The following ACOXL variants were observed in gnomAD, a reference collection of about 807,000 sequenced individuals.
ACOXL encodes the protein acyl-CoA oxidase like.
A neutral mutation model predicts 71.9 loss-of-function variants in ACOXL; 70 were observed. The ratio of observed to expected loss-of-function variants is 0.97; its 90% CI spans 0.80 to 1.19. The LOEUF (loss-of-function observed/expected upper bound fraction) is 1.19. Among genes scored for constraint, ACOXL ranks in the 50% most tolerant of loss-of-function variants. ACOXL has a pLI of 0.00. For missense variants in ACOXL, 703 were observed against 736.3 expected (o/e 0.95, Z 0.52); for synonymous variants, 253 against 281.6 (o/e 0.90, Z 1.02).
intron 2 of ACOXL, among the ~76,000 whole-genome samples, chr2:110,783,956 A>G (rs1383582744): frequency 6.6e-6 from 1 of 152,228 alleles, no homozygotes; most frequent in African/African-American, 2.4e-5. Flanking sequence ...GTGTGTTCGT[A>G]TAGCCTTGGG....
intron 12 of ACOXL, among the ~76,000 whole-genome samples, chr2:110,947,160 C>T (rs989944461): frequency 3.3e-5 from 5 of 152,194 alleles, no homozygotes; most frequent in African/African-American, 9.7e-5. Context: ...AGTCATGTGA[C>T]GCAGGCCTGG....
chr2:111,047,644 C>T (rs936243367), intron 15 of ACOXL, among the ~76,000 whole-genome samples: 2 of 152,320 alleles, frequency 1.3e-5, no homozygotes, highest in South Asian at 2.1e-4. Context: ...CAAAAGCATT[C>T]GTGTAAACTT....
intron 17 of ACOXL, among the ~76,000 whole-genome samples, chr2:111,105,275 C>T (rs1428834734): frequency 6.6e-6 from 1 of 152,036 alleles, no homozygotes; most frequent in East Asian, 1.9e-4. Context: ...TTGATTCCAC[C>T]TCTTTATTAT....
At chr2:110,807,538 TC>T (rs1686817012) in intron 9 of ACOXL, among the ~76,000 whole-genome samples, 11 of 152,156 alleles carry the variant, frequency 7.2e-5, no homozygotes, top group Admixed American at 7.2e-4. Flanking sequence ...TCCTTTGAAT[TC>T]CCAGGTGTCT....
chr2:110,923,488 G>GT (rs1275326471), intron 11 of ACOXL, among the ~76,000 whole-genome samples: 1 of 152,156 alleles, frequency 6.6e-6, no homozygotes, highest in Non-Finnish European at 1.5e-5. Flanking sequence ...CAAGTGCAAG[G>GT]AGAGTATACA....
intron 10 of ACOXL, among the ~76,000 whole-genome samples, chr2:110,845,928 A>T (rs576581188): frequency 1.3e-5 from 2 of 152,252 alleles, no homozygotes; most frequent in African/African-American, 4.8e-5. Flanking sequence ...CCTGCTTTCA[A>T]TTCTTTTGGG....
chr2:111,019,726 G>A (rs1319181914), intron 14 of ACOXL, among the ~76,000 whole-genome samples: 1 of 152,236 alleles, frequency 6.6e-6, no homozygotes, highest in Non-Finnish European at 1.5e-5. Context: ...GAGCTTGGAA[G>A]ACAGCGTGCG....
intron 12 of ACOXL, among the ~76,000 whole-genome samples, chr2:110,985,598 C>T (rs2062896589): frequency 1.3e-5 from 2 of 152,290 alleles, no homozygotes; most frequent in East Asian, 1.9e-4. Context: ...GGTCCAGTCA[C>T]ACCTGGGAGC....
In ACOXL at chr2:111,062,980, C is replaced by T. The variant is rs1170055492; in HGVS notation, c.1440+13692C>T. On this transcript the variant is annotated intron_variant, in intron 16 of 17. Transcript: ENST00000439055. Reference sequence around the variant, plus strand: ...AGATTATATTAGTATATACTCTGTGCACATCAAAATGGTAGTAAGATAATA... The same window carrying T: ...AGATTATATTAGTATATACTCTGTGTACATCAAAATGGTAGTAAGATAATA... 2.0e-5 allele frequency among the ~76,000 whole-genome samples: 3 copies of T among 152,102 alleles called. No homozygotes were observed. The East Asian group carries it at 5.8e-4, about 29-fold the overall frequency.
intron 10 of ACOXL, among the ~76,000 whole-genome samples, chr2:110,851,316 T>G (rs1377433685): frequency 1.3e-5 from 2 of 152,180 alleles, no homozygotes; most frequent in Non-Finnish European, 2.9e-5. Flanking sequence ...TCTGGATCAC[T>G]TTTTTGAGGT....
At chr2:110,744,429 C>G (rs1480810473) in intron 1 of ACOXL, among the ~76,000 whole-genome samples, 2 of 152,158 alleles carry the variant, frequency 1.3e-5, no homozygotes, top group Admixed American at 6.5e-5. Flanking sequence ...GTTATGTGTG[C>G]TAATGTAATA....
At chr2:111,036,705 G>A (rs1041348367) in intron 15 of ACOXL, 1 of 152,292 alleles carries the variant, frequency 6.6e-6, no homozygotes, top group African/African-American at 2.4e-5. Flanking sequence ...GGGACACTGG[G>A]TCTCTGATGC....
chr2:111,117,987 T>C lies in ACOXL; in HGVS notation c.*171T>C. 9.0e-6 allele frequency: 7 copies of C among 777,446 alleles called. No homozygotes were observed. In the South Asian group the frequency reaches 1.3e-4, roughly 14 times the overall value. The allele number at this position is 777,446 out of a possible 1,614,324, so 48.2% of individuals were successfully genotyped here. ...GAGGCTGGCGAGGTGCGCGGCTGGC[T>C]GCTAGGAAAGAGATCCAGACGGTCG... On this transcript the variant is annotated 3_prime_UTR_variant, in exon 18 of 18. Transcript: ENST00000439055.
At chr2:110,987,893 T>C (rs564339967) in intron 13 of ACOXL, among the ~76,000 whole-genome samples, 46 of 152,336 alleles carry the variant, frequency 3.0e-4, no homozygotes, top group African/African-American at 1.1e-3. Context: ...GATGCTGTTA[T>C]GAAAAACCCT....
At chr2:111,049,588 A>G (rs977432921) in intron 16 of ACOXL, among the ~76,000 whole-genome samples, 1 of 152,122 alleles carries the variant, frequency 6.6e-6, no homozygotes, top group African/African-American at 2.4e-5. Context: ...ATGCTTTTTT[A>G]GCAGATTTAT....
At chr2:111,075,867 C>T (rs551722939) in intron 16 of ACOXL, among the ~76,000 whole-genome samples, 1 of 152,152 alleles carries the variant, frequency 6.6e-6, no homozygotes, top group African/African-American at 2.4e-5. Flanking sequence ...TTTTAAGTGT[C>T]TAGAATTTGT....
intron 10 of ACOXL, among the ~76,000 whole-genome samples, chr2:110,907,707 A>G (rs1463407714): frequency 6.6e-6 from 1 of 152,190 alleles, no homozygotes; most frequent in Non-Finnish European, 1.5e-5. Context: ...TGTGCTTATC[A>G]TTTGTCCTCA....
At chr2:110,859,834 G>A (rs1034580299) in intron 10 of ACOXL, among the ~76,000 whole-genome samples, 5 of 152,138 alleles carry the variant, frequency 3.3e-5, no homozygotes, top group African/African-American at 1.2e-4. Flanking sequence ...TGGCCTGTGG[G>A]ATCAATGCTA....
intron 16 of ACOXL, among the ~76,000 whole-genome samples, chr2:111,062,239 T>C (rs2066853733): frequency 6.6e-6 from 1 of 152,020 alleles, no homozygotes; most frequent in South Asian, 2.1e-4. Flanking sequence ...AGACAGTCTA[T>C]ATTAACAAAA....
Sources: allele counts gnomAD v4.1 joint callset (sites outside exome capture counted in the v4.1 genomes callset), GRCh38; gene constraint gnomAD v4.1.1; transcripts MANE v1.5; gene names NCBI Gene and HGNC (gene_info 2026-07-23, HGNC 2026-07-21).